Variants in OTOG observed in about 807,000 individuals in gnomAD.
OTOG encodes the protein otogelin.
A neutral mutation model predicts 313.8 loss-of-function variants in OTOG; 296 were observed. That is an observed-to-expected ratio of 0.94 (90% CI 0.86 to 1.04). The LOEUF (loss-of-function observed/expected upper bound fraction) is 1.04, where lower values mean the gene tolerates loss of function less well. Ranked by LOEUF, OTOG falls within the 50% of genes least tolerant of loss-of-function variation. The pLI is 0.00. For missense variants in OTOG, 3,948 were observed against 3,840.1 expected (o/e 1.03, Z -0.74); for synonymous variants, 1,533 against 1,554.9 (o/e 0.99, Z 0.33).
At chr11:17,563,536 G>C (rs1021953211) in intron 15 of OTOG, among the ~76,000 whole-genome samples, 3 of 152,210 alleles carry the variant, frequency 2.0e-5, no homozygotes, top group African/African-American at 7.2e-5. Context: ...TGAGTCAGGA[G>C]ACTGCTCTTC....
rs779489639 is a variant in OTOG at position 17,574,823 on chromosome 11, C to T, written c.2397C>T (p.Gly799=). The T allele has an allele frequency of 1.6e-4, 243 of 1,550,210 alleles. No individual in the cohort carries two copies. Among genetic ancestry groups the T allele is most frequent in the Admixed American group, 1.1e-3 (58 of 50,950 alleles). ...CTGAGGCCTGTGGGGTTGATGGTGG[C>T]GATGACCTGAGCAGAGACGAGTGTG... ...ASPEACGVDG[G]DDLSRDECVE... Residue 799 remains glycine, a synonymous_variant, in exon 20 of 56, where the codon GGC becomes GGT. Coordinates refer to ENST00000399397, the MANE Select transcript of OTOG (RefSeq NM_001292063.2).
chr11:17,642,242 C>T lies in OTOG; in HGVS notation c.8411C>T (p.Ala2804Val), dbSNP rs1336694712. The T allele has an allele frequency of 1.9e-6, 3 of 1,548,330 alleles. No homozygotes were observed. Among genetic ancestry groups the T allele is most frequent in the African/African-American group, 2.7e-5 (2 of 72,954 alleles). ...SCPPLNETEC[A>V]KVGGSVVPSL... The stretch of plus-strand genomic sequence containing the variant: ...CCACCGCTCAATGAGACTGAGTGTG[C>T]CAAGGTCAGTGCCTCCTTCTCCACT... Residue 2804 changes from alanine (A) to valine (V), a missense_variant, in exon 53 of 56, where the codon GCC becomes GTC. By Grantham distance (64) the Ala-to-Val change is moderately conservative. Transcript: ENST00000399397.
chr11:17,552,760 C>G (rs1347965338), intron 4 of OTOG, among the ~76,000 whole-genome samples: 1 of 152,244 alleles, frequency 6.6e-6, no homozygotes, highest in Non-Finnish European at 1.5e-5. Context: ...TGAGGAGGAG[C>G]AGCAGCTGCA....
In OTOG at chr11:17,574,757, C is replaced by T. The variant is rs147247967; in HGVS notation, c.2331C>T (p.Cys777=). The T allele has an allele frequency of 6.7e-4, 1,043 of 1,550,612 alleles. 22 individuals carry two copies. The South Asian group carries it at 9.6e-3, about 14-fold the overall frequency. ...AGGCCTCCAAGGAGTATAGCCCCTG[C>T]GTGGCCCCGTGTGGACGTACCTGCC... The part of the protein sequence containing the change: ...SCEASKEYSP[C]VAPCGRTCQD... The change falls in exon 20 of 56, where the codon TGC becomes TGT. Residue 777 remains cysteine (C), a synonymous_variant. Coordinates refer to ENST00000399397, the MANE Select transcript of OTOG (RefSeq NM_001292063.2).
Position 17,593,755 on chromosome 11 carries a change from A to G in OTOG, c.3287A>G (p.Gln1096Arg). The change falls in exon 27 of 56, where the codon CAG becomes CGG. Residue 1096 changes from glutamine (Q) to arginine (R), a missense_variant and splice_region_variant. By Grantham distance (43) the Gln-to-Arg change is conservative. Coordinates refer to ENST00000399397, the MANE Select transcript of OTOG (RefSeq NM_001292063.2). ...TVHVQAGPQWQGQLAGLCGNF... is the reference protein window; with the variant it reads ...TVHVQAGPQWRGQLAGLCGNF... ...CACGTCCAGGCTGGGCCTCAGTGGC[A>G]GGTACTTACATGAGCAGTGACATTC... 6.5e-7 allele frequency: 1 copy of G among 1,548,108 alleles called. No individual in the cohort carries two copies. Among genetic ancestry groups the G allele is most frequent in the Non-Finnish European group, 8.7e-7 (1 of 1,146,548 alleles).
In OTOG at chr11:17,547,355, C is replaced by T. The variant is rs542781131; in HGVS notation, c.-18C>T. The T allele has an allele frequency of 4.8e-3, 6,381 of 1,335,530 alleles. 20 individuals are homozygous for T. Among genetic ancestry groups the T allele is most frequent in the Non-Finnish European group, 5.5e-3 (5,810 of 1,047,366 alleles). 82.7% of individuals were successfully genotyped at this position (1,335,530 alleles called of 1,614,324 possible). On this transcript the variant is annotated 5_prime_UTR_variant, in exon 1 of 56. Coordinates refer to ENST00000399397, the MANE Select transcript of OTOG (RefSeq NM_001292063.2). ...AGGCTGGCCCTGCGCTCAAGTCCTC[C>T]GGTCCCCTCGTGTCCCTATGGGAGT...
chr11:17,613,195 T>TTTCTTTCTTTCTTTCTTTC lies in OTOG; in HGVS notation c.6439-415_6439-414insCTTTCTTTCTTTCTTTCTT, dbSNP rs1401646180. On this transcript the variant is annotated intron_variant, in intron 38 of 55. Coordinates refer to ENST00000399397, the MANE Select transcript of OTOG (RefSeq NM_001292063.2). ...TTTTCTTTCTTTCTTTCTTTCTTTC[T>TTTCTTTCTTTCTTTCTTTC]TTTCTTTCTTTCTTTCTTTCTTTCT... Among the ~76,000 whole-genome samples the TTTCTTTCTTTCTTTCTTTC allele has an allele frequency of 8.1e-4, 53 of 65,366 alleles. 1 individual carries two copies. The highest frequency in any genetic ancestry group is 2.9e-3 in the South Asian group (5 of 1,748). The allele number at this position is 65,366 out of a possible 152,430, so 42.9% of individuals were successfully genotyped here.
intron 14 of OTOG, 57 bp downstream of exon 14, chr11:17,561,194 G>C: frequency 1.3e-6 from 2 of 1,541,680 alleles, no homozygotes; most frequent in Non-Finnish European, 1.8e-6. Context: ...ATAGGTTTTG[G>C]GGCAAGGAAT....
chr11:17,611,337 C>T lies in OTOG; in HGVS notation c.6037C>T (p.Arg2013Cys), dbSNP rs757086717. 31 of 1,550,316 alleles carry T rather than the reference C, an allele frequency of 2.0e-5. No homozygotes were observed. The highest frequency in any genetic ancestry group is 1.5e-4 in the East Asian group (6 of 40,918). Residue 2013 changes from arginine (R) to cysteine (C), a missense_variant, in exon 36 of 56, where the codon CGC (arginine) becomes TGC (cysteine). By Grantham distance (180) the Arg-to-Cys change is radical. Transcript: ENST00000399397. ...CGAGGCCACCACAGAACCATCTGGG[C>T]GCTCAGCCCCAGCCCTGAGCATCGT... ...VDEATTEPSGRSAPALSIVEG... is the reference protein window; with the variant it reads ...VDEATTEPSGCSAPALSIVEG...
intron 6 of OTOG, among the ~76,000 whole-genome samples, chr11:17,554,209 A>C (rs1852006791): frequency 6.6e-6 from 1 of 152,148 alleles, no homozygotes; most frequent in African/African-American, 2.4e-5. Context: ...CTGACCTTCC[A>C]AGCTGGCTGA....
At chr11:17,557,044 C>T (rs1171514534) in intron 7 of OTOG, 74 bp from the exon 8 acceptor site, 32 of 1,425,704 alleles carry the variant, frequency 2.2e-5, no homozygotes, top group Non-Finnish European at 3.0e-5. Context: ...TAGGGACTGG[C>T]TGTTCCTTCG....
At chr11:17,598,734 C>T (rs1853172045) in intron 30 of OTOG, among the ~76,000 whole-genome samples, 1 of 152,196 alleles carries the variant, frequency 6.6e-6, no homozygotes, top group African/African-American at 2.4e-5. Flanking sequence ...TCTCGGCTAC[C>T]ACCCCTTGAC....
At chr11:17,579,891 T>C (rs916452791) in intron 23 of OTOG, among the ~76,000 whole-genome samples, 4 of 152,158 alleles carry the variant, frequency 2.6e-5, no homozygotes, top group African/African-American at 9.7e-5. Context: ...ACCCATTGCG[T>C]GCTGTATCAA....
chr11:17,580,903 C>CT (rs1396538064), intron 23 of OTOG, among the ~76,000 whole-genome samples: 3 of 151,940 alleles, frequency 2.0e-5, no homozygotes, highest in Admixed American at 2.0e-4. Flanking sequence ...TAAGCATGTG[C>CT]TTTTTTTTCT....
At position 17,596,988 on chromosome 11, in the gene OTOG, G is replaced by C. The variant is rs1393387467; in HGVS notation, c.3663G>C (p.Trp1221Cys). Residue 1221 changes from tryptophan (W) to cysteine (C), a missense_variant, in exon 30 of 56, where the codon TGG becomes TGC. By Grantham distance (215) the Trp-to-Cys change is radical. Coordinates refer to ENST00000399397, the MANE Select transcript of OTOG (RefSeq NM_001292063.2). ...GCCAGCATGGGGTGGCTGTTGACTG[G>C]CGAACCCCCCGCCTCTGCCGTGAGT... ...QCCQHGVAVD[W>C]RTPRLCPYDC... 11 of 1,549,548 alleles carry C rather than the reference G, an allele frequency of 7.1e-6. No individual in the cohort carries two copies. Among genetic ancestry groups the C allele is most frequent in the Non-Finnish European group, 9.6e-6 (11 of 1,146,482 alleles).
chr11:17,579,536 C>T (rs571071300), intron 23 of OTOG, among the ~76,000 whole-genome samples: 8 of 152,266 alleles, frequency 5.3e-5, no homozygotes, highest in South Asian at 2.1e-4. Context: ...ACATGAGGTC[C>T]GTGATGGTCA....
intron 33 of OTOG, among the ~76,000 whole-genome samples, chr11:17,607,664 C>T (rs140388770): frequency 3.5e-4 from 53 of 152,356 alleles, no homozygotes; most frequent in African/African-American, 1.2e-3. Flanking sequence ...CTCACACGAC[C>T]TGCACTCTCA....
intron 39 of OTOG, among the ~76,000 whole-genome samples, chr11:17,615,964 T>C (rs1853708844): frequency 6.6e-6 from 1 of 152,208 alleles, no homozygotes; most frequent in Non-Finnish European, 1.5e-5. Context: ...TTTATATGCT[T>C]TTTATTTTGT....
chr11:17,634,616 G>A (rs1330303267), intron 44 of OTOG, among the ~76,000 whole-genome samples: 2 of 152,192 alleles, frequency 1.3e-5, no homozygotes, highest in Non-Finnish European at 2.9e-5. Context: ...TGGGGTTGCT[G>A]TGAGATGGGG....
Sources: gnomAD v4.1 joint callset for allele counts (sites outside exome capture counted in the v4.1 genomes callset) on GRCh38, gnomAD v4.1.1 for gene constraint, MANE v1.5 for transcripts, NCBI Gene and HGNC (gene_info 2026-07-23, HGNC 2026-07-21) for gene names.